Variants in SEC14L6 observed in about 807,000 individuals in gnomAD.
SEC14L6 encodes the protein SEC14-like protein 6.
In SEC14L6, 40 loss-of-function variants were observed where a neutral mutation model predicts 54.1. That is an observed-to-expected ratio of 0.74 (90% confidence interval 0.57 to 0.96). The LOEUF (loss-of-function observed/expected upper bound fraction) is 0.96. Among genes scored for constraint, SEC14L6 ranks in the 40% least tolerant of loss-of-function variants. The probability of loss-of-function intolerance (pLI) is 0.00; values close to 1 mark genes in which losing one functional copy is unlikely to be tolerated. For synonymous variants in SEC14L6, 171 were observed against 198.4 expected, an observed-to-expected ratio of 0.86 and a Z score of 1.16; for missense variants, 471 against 498.3, an observed-to-expected ratio of 0.95 and a Z score of 0.52.
chr22:30,543,239 C>T (rs1009424874), intron 1 of SEC14L6: 2 of 1,599,600 alleles, frequency 1.3e-6, no homozygotes, highest in Non-Finnish European at 1.7e-6. Context: ...GACATTCACT[C>T]TCAAGTCATC....
At position 30,539,757 on chromosome 22, in the gene SEC14L6, G is replaced by A. The variant is rs558470716; in HGVS notation, c.55-855C>T. Among the ~76,000 whole-genome samples, 42 of 152,338 alleles carry A rather than the reference G, an allele frequency of 2.8e-4. No individual in the cohort carries two copies. In the South Asian group the frequency reaches 7.9e-3, roughly 29 times the overall value. ...CTGATAGGTTAGGGTTGAAATGATG[G>A]ACTGTGACTTAGAAGCCTTCAATGT... On this transcript the variant is annotated intron_variant, in intron 1 of 11. Transcript: ENST00000402034.
intron 4 of SEC14L6, 24 bp downstream of exon 4, chr22:30,532,773 G>A: frequency 6.2e-7 from 1 of 1,609,656 alleles, no homozygotes; most frequent in Non-Finnish European, 8.5e-7. Context: ...CAGGGATCAG[G>A]GTATGGGTTT....
chr22:30,537,147 T>C (rs2085614848), intron 2 of SEC14L6, among the ~76,000 whole-genome samples: 1 of 151,324 alleles, frequency 6.6e-6, no homozygotes, highest in African/African-American at 2.4e-5. Context: ...AAGATGACCA[T>C]CAGTGATCCT....
chr22:30,546,577 C>T (rs982658565), intron 1 of SEC14L6, 52 bp downstream of exon 1: 27 of 1,506,080 alleles, frequency 1.8e-5, no homozygotes, highest in East Asian at 1.5e-4. Flanking sequence ...TGCCCTTCCC[C>T]GTGGCAGAAG....
chr22:30,545,653 A>G (rs2085790989), intron 1 of SEC14L6, among the ~76,000 whole-genome samples: 1 of 152,174 alleles, frequency 6.6e-6, no homozygotes, highest in Admixed American at 6.5e-5. Context: ...CTATGTTGCC[A>G]GAACTCCTGG....
At position 30,525,410 on chromosome 22, in the gene SEC14L6, G is replaced by A. The variant is rs779361969; in HGVS notation, c.1021C>T (p.Arg341Cys). The A allele has an allele frequency of 2.8e-5, 46 of 1,614,046 alleles. No homozygotes were observed. The highest frequency in any genetic ancestry group is 1.2e-4 in the Admixed American group (7 of 59,996). Residue 341 changes from arginine to cysteine, a missense_variant, in exon 11 of 12, where the codon CGC (arginine) becomes TGC (cysteine). Physicochemically the swap from Arg to Cys is radical, Grantham distance 180. Transcript: ENST00000402034. ...REMTEVLPSQ[R>C]YNAHMVPEDG... ...TCAGGCACCATGTGGGCATTGTAGC[G>A]CTGGCTGGGCAGCACCTCTGTCATC... is the stretch of plus-strand genomic sequence containing the variant.
At chr22:30,546,383 C>CAAA (rs915640201) in intron 1 of SEC14L6, among the ~76,000 whole-genome samples, 26 of 49,768 alleles carry the variant, frequency 5.2e-4, no homozygotes, top group Non-Finnish European at 6.2e-4. Flanking sequence ...AACTCCGTCT[C>CAAA]AAAAAAAAAA....
intron 8 of SEC14L6, 122 bp downstream of exon 8, chr22:30,528,965 T>C: frequency 1.2e-6 from 1 of 821,054 alleles, no homozygotes; most frequent in Non-Finnish European, 1.9e-6. Flanking sequence ...CACCAGGCAG[T>C]GGGCCCTCAA....
At position 30,525,507 on chromosome 22, in the gene SEC14L6, A is replaced by G; in HGVS notation, c.924T>C (p.Ala308=). The change falls in exon 11 of 12, where the codon GCT becomes GCC. Residue 308 remains alanine, a synonymous_variant. Transcript: ENST00000402034. ...CAAAGCCAATGTCCCCACCATCTGA[A>G]GCAAACTGCCACCTGCAGTGGATAG... ...FPGCVLRWQF[A]SDGGDIGFGV... is the part of the protein sequence containing the mutation. 2 of 1,614,072 alleles carry G rather than the reference A, an allele frequency of 1.2e-6. No individual in the cohort carries two copies. The highest frequency in any genetic ancestry group is 1.7e-6 in the Non-Finnish European group (2 of 1,179,962).
intron 2 of SEC14L6, among the ~76,000 whole-genome samples, chr22:30,537,541 C>T (rs1286775931): frequency 1.3e-5 from 2 of 152,152 alleles, no homozygotes; most frequent in Non-Finnish European, 2.9e-5. Context: ...ATCGCTTGAG[C>T]CCAGGAGGTC....
At chr22:30,532,413 A>T in intron 5 of SEC14L6, 112 bp downstream of exon 5, 1 of 1,328,778 alleles carries the variant, frequency 7.5e-7, no homozygotes, top group East Asian at 2.5e-5. Flanking sequence ...ACTCCACAGT[A>T]CCAGGAGGAG....
intron 8 of SEC14L6, 144 bp downstream of exon 8, chr22:30,528,943 C>T: frequency 4.4e-6 from 3 of 687,156 alleles, no homozygotes; most frequent in African/African-American, 1.8e-5. Context: ...CACAGCAGCC[C>T]ACCTGGCAGC....
Position 30,523,110 on chromosome 22 carries a change from G to A in SEC14L6, c.*1887C>T, listed in dbSNP as rs1404827918. ...AGGGGAGGGGCTGAGGGAGAGCAAGGGCTGCTGAATGCCCGTGTTTCCATT... is the reference window on the plus strand; with the variant it reads ...AGGGGAGGGGCTGAGGGAGAGCAAGAGCTGCTGAATGCCCGTGTTTCCATT... On this transcript the variant is annotated 3_prime_UTR_variant, in exon 12 of 12. Coordinates refer to ENST00000402034, the MANE Select transcript of SEC14L6 (RefSeq NM_001193336.4). 1 of 152,166 alleles carries A rather than the reference G, an allele frequency of 6.6e-6. No homozygotes were observed. The highest frequency in any genetic ancestry group is 1.5e-5 in the Non-Finnish European group (1 of 68,050). The allele number at this position is 152,166 out of a possible 1,614,324, so 9.4% of individuals were successfully genotyped here.
chr22:30,539,517 C>G lies in SEC14L6; in HGVS notation c.55-615G>C, dbSNP rs184430667. ...TGCCCTGATCTTCATCCTTAGGAAG[C>G]CTTCAGGCCAGGTCAGGTGGGAGGA... On this transcript the variant is annotated intron_variant, in intron 1 of 11. Coordinates refer to ENST00000402034, the MANE Select transcript of SEC14L6 (RefSeq NM_001193336.4). 3.3e-4 allele frequency among the ~76,000 whole-genome samples: 50 copies of G among 152,312 alleles called. No homozygotes were observed. In the East Asian group the frequency reaches 4.6e-3, roughly 14 times the overall value.
chr22:30,530,201 C>T (rs9621017), intron 6 of SEC14L6, among the ~76,000 whole-genome samples: 7,139 of 151,960 alleles, frequency 0.047, 513 homozygotes, highest in African/African-American at 0.15. Context: ...CATGAGGTCA[C>T]GAGTTCGAGA....
intron 2 of SEC14L6, among the ~76,000 whole-genome samples, chr22:30,537,446 C>T (rs574853082): frequency 1.3e-5 from 2 of 152,150 alleles, no homozygotes; most frequent in Non-Finnish European, 2.9e-5. Context: ...GAAACCCTGT[C>T]TCTGCAAAAA....
chr22:30,540,088 T>C (rs115004360), intron 1 of SEC14L6, among the ~76,000 whole-genome samples: 4,809 of 152,290 alleles, frequency 0.032, 101 homozygotes, highest in Middle Eastern at 0.078. Flanking sequence ...AAGACTTTCC[T>C]TGGCCCCCCA....
rs1343323048 is a variant in SEC14L6, at chr22:30,532,049, C to T, written c.424-51G>A. ...ACCCTGTGAGGGCCACTGCCCCCAC[C>T]CATCCAAGATGGGGCTGGGCCTAAG... On this transcript the variant is annotated intron_variant, in intron 5 of 11. Coordinates refer to ENST00000402034, the MANE Select transcript of SEC14L6 (RefSeq NM_001193336.4). 22 of 1,535,958 alleles carry T rather than the reference C, an allele frequency of 1.4e-5. No individual in the cohort carries two copies. In the East Asian group the frequency reaches 5.4e-4, roughly 38 times the overall value.
chr22:30,532,955 C>T, intron 3 of SEC14L6, 99 bp from the exon 4 acceptor site: 1 of 1,538,062 alleles, frequency 6.5e-7, no homozygotes, highest in African/African-American at 1.4e-5. Context: ...CCTGCAACCA[C>T]TAAGGGCCTG....
Sources: gnomAD v4.1 joint callset for allele counts (sites outside exome capture counted in the v4.1 genomes callset) on GRCh38, gnomAD v4.1.1 for gene constraint, MANE v1.5 for transcripts, NCBI Gene and HGNC (gene_info 2026-07-23, HGNC 2026-07-21) for gene names.